Variants in MAP3K3 observed in about 807,000 individuals in gnomAD.
MAP3K3 encodes MAP/ERK kinase kinase 3.
A neutral mutation model predicts 80.9 loss-of-function variants in MAP3K3; 12 were observed. The observed-to-expected ratio is 0.15, with a 90% CI of 0.10 to 0.24. The LOEUF is 0.24. Ranked by LOEUF, MAP3K3 falls within the 10% of genes least tolerant of loss-of-function variation. The pLI, the probability that MAP3K3 is intolerant of heterozygous loss-of-function variation, is 1.00. For missense variants in MAP3K3, 596 were observed against 834.7 expected, an observed-to-expected ratio of 0.71 and a Z score of 3.52; for synonymous variants, 272 against 307.1, an observed-to-expected ratio of 0.89 and a Z score of 1.19.
rs1443703825 is a variant in MAP3K3, at chr17:63,694,546, CTG to C, written c.*776_*777del. 2 of 152,700 alleles carry C rather than the reference CTG, an allele frequency of 1.3e-5. No homozygotes were observed. The highest frequency in any genetic ancestry group is 4.8e-5 in the African/African-American group (2 of 41,452). The allele number at this position is 152,700 out of a possible 1,614,324, so 9.5% of individuals were successfully genotyped here. A position where few individuals can be genotyped will look rare whatever the true frequency, so the allele number is the denominator to read the frequency against. ...CTGTACCCAGTTTCTAAACTGGAGA[CTG>C]TGTGTGCCCTCTGGGCTCTGAGTAC... On this transcript the variant is annotated 3_prime_UTR_variant, in exon 16 of 16. Coordinates refer to ENST00000361733, the MANE Select transcript of MAP3K3 (RefSeq NM_002401.5).
chr17:63,679,529 C>T (rs763706996), intron 6 of MAP3K3, among the ~76,000 whole-genome samples: 14 of 152,204 alleles, frequency 9.2e-5, no homozygotes, highest in Non-Finnish European at 1.5e-4. Flanking sequence ...ATCACCTATG[C>T]TGGAGTGCAG....
intron 1 of MAP3K3, among the ~76,000 whole-genome samples, chr17:63,624,075 T>C (rs1463022326): frequency 1.3e-5 from 2 of 152,218 alleles, no homozygotes; most frequent in Non-Finnish European, 2.9e-5. Flanking sequence ...CTTCTCATGC[T>C]TTCCTTCAGA....
Position 63,691,305 on chromosome 17 carries a change from G to T in MAP3K3, c.1344+72G>T, listed in dbSNP as rs1366619556. ...GACCTGGGGGCTGGGGCCTGCAGGA[G>T]GGGGGTCACCTTGGATAGGAGTTTG... is the stretch of plus-strand genomic sequence containing the variant. On this transcript the variant is annotated intron_variant, in intron 13 of 15. Transcript: ENST00000361733. The surrounding 1 kb of genome is among the most constrained non-coding windows in gnomAD (Gnocchi z 4.8). 1.9e-6 allele frequency: 3 copies of T among 1,597,966 alleles called. No individual in the cohort carries two copies. The highest frequency in any genetic ancestry group is 1.7e-6 in the Non-Finnish European group (2 of 1,169,238).
At chr17:63,688,676 A>G (rs1240214354) in intron 9 of MAP3K3, 82 bp downstream of exon 9, 1 of 1,454,930 alleles carries the variant, frequency 6.9e-7, no homozygotes. Context: ...TTTCTGAGTC[A>G]GTAGCTCTCC....
chr17:63,650,202 T>G (rs1346391918), intron 3 of MAP3K3, among the ~76,000 whole-genome samples: 3 of 152,260 alleles, frequency 2.0e-5, no homozygotes, highest in African/African-American at 7.2e-5. Context: ...ATCTTTTGCC[T>G]TTTCTATTAG....
rs749817590 is a variant in MAP3K3, at chr17:63,689,597, G to C, written c.925G>C (p.Val309Leu). ...TCATCAAGGCAACTTGTTCACCCTG[G>C]TGCCCTCCAGCCGCTCCCTGAGCAC... is the stretch of plus-strand genomic sequence containing the variant. ...RRHQGNLFTLVPSSRSLSTNG... is the reference protein window; with the variant it reads ...RRHQGNLFTLLPSSRSLSTNG... The change falls in exon 11 of 16, where the codon GTG becomes CTG. Residue 309 changes from valine to leucine, a missense_variant. By Grantham distance (32) the Val-to-Leu change is conservative. Transcript: ENST00000361733. This position sits in a 1 kb window ranked among gnomAD's most constrained non-coding sequence, Gnocchi z 4.3. 8 of 1,613,742 alleles carry C rather than the reference G, an allele frequency of 5.0e-6. No individual in the cohort carries two copies. The highest frequency in any genetic ancestry group is 3.3e-5 in the Admixed American group (2 of 59,950).
In MAP3K3 at chr17:63,694,873, C is replaced by G. The variant is rs779128848; in HGVS notation, c.*1096C>G. ...CTTCCTCAGCCAGCCTCGCCCATCC[C>G]CTTGAGGTCTCAGCCCCTTTCCCTT... On this transcript the variant is annotated 3_prime_UTR_variant, in exon 16 of 16. Coordinates refer to ENST00000361733, the MANE Select transcript of MAP3K3 (RefSeq NM_002401.5). 1.3e-5 allele frequency: 2 copies of G among 154,114 alleles called. No homozygotes were observed. The highest frequency in any genetic ancestry group is 4.8e-5 in the African/African-American group (2 of 41,492). 9.5% of individuals were successfully genotyped at this position (154,114 alleles called of 1,614,324 possible).
At chr17:63,637,029 TG>T in intron 2 of MAP3K3, 1 of 558,460 alleles carries the variant, frequency 1.8e-6, no homozygotes, top group Non-Finnish European at 3.4e-6. Flanking sequence ...GACGACAAGG[TG>T]GGGACAAACT....
intron 3 of MAP3K3, among the ~76,000 whole-genome samples, chr17:63,651,754 T>C (rs756732722): frequency 3.9e-5 from 6 of 152,202 alleles, no homozygotes; most frequent in Non-Finnish European, 8.8e-5. Flanking sequence ...CAGAAAATCT[T>C]CAATGTCAAT....
At chr17:63,636,154 C>A (rs973306494) in intron 2 of MAP3K3, among the ~76,000 whole-genome samples, 1 of 152,162 alleles carries the variant, frequency 6.6e-6, no homozygotes, top group Non-Finnish European at 1.5e-5. Flanking sequence ...ACTGAAAAAT[C>A]TAATTTAATA....
In MAP3K3 at chr17:63,636,855, C is replaced by T. The variant is rs2034336167; in HGVS notation, c.126+4053C>T. 22 of 371,302 alleles carry T rather than the reference C, an allele frequency of 5.9e-5. 1 individual carries two copies. The South Asian group carries it at 7.9e-4, about 13-fold the overall frequency. 23.0% of individuals were successfully genotyped at this position (371,302 alleles called of 1,614,324 possible). On this transcript the variant is annotated intron_variant, in intron 2 of 15. Transcript: ENST00000361733. ...AGAAGACTGCGTTGGTGGTCAAGTC[C>T]TCCATCCCGCTGGACATCAAGCCTT...
At chr17:63,649,929 TC>T (rs2034616548) in intron 3 of MAP3K3, among the ~76,000 whole-genome samples, 1 of 152,216 alleles carries the variant, frequency 6.6e-6, no homozygotes, top group Non-Finnish European at 1.5e-5. Flanking sequence ...TATTGCTTCT[TC>T]CTCTGGTTAC....
intron 1 of MAP3K3, among the ~76,000 whole-genome samples, chr17:63,628,470 C>T (rs571144203): frequency 1.8e-4 from 28 of 151,662 alleles, no homozygotes; most frequent in African/African-American, 6.5e-4. Context: ...AAGCAGTTCT[C>T]CTGCCTCAGC....
intron 7 of MAP3K3, among the ~76,000 whole-genome samples, chr17:63,683,883 G>T (rs1185730530): frequency 6.6e-6 from 1 of 152,016 alleles, no homozygotes; most frequent in African/African-American, 2.4e-5. Context: ...CAGTCCGGTC[G>T]CAGTGGCTCA....
chr17:63,631,234 G>C (rs2034209498), intron 1 of MAP3K3, among the ~76,000 whole-genome samples: 1 of 152,196 alleles, frequency 6.6e-6, no homozygotes, highest in African/African-American at 2.4e-5. Context: ...GCTGCAGTGA[G>C]CTGTGATTGC....
At chr17:63,644,859 TTCA>T (rs2034510724) in intron 2 of MAP3K3, among the ~76,000 whole-genome samples, 1 of 152,226 alleles carries the variant, frequency 6.6e-6, no homozygotes, top group Non-Finnish European at 1.5e-5. Flanking sequence ...ATAATTTTTC[TTCA>T]TCGACTATGA....
At chr17:63,624,656 C>T (rs769384123) in intron 1 of MAP3K3, among the ~76,000 whole-genome samples, 3 of 152,194 alleles carry the variant, frequency 2.0e-5, no homozygotes, top group Admixed American at 6.5e-5. Context: ...GTCAGTTTTA[C>T]GTGAAGACAC....
At chr17:63,645,010 C>G (rs1029910502) in intron 2 of MAP3K3, among the ~76,000 whole-genome samples, 15 of 152,048 alleles carry the variant, frequency 9.9e-5, no homozygotes, top group African/African-American at 3.4e-4. Flanking sequence ...TTTGTTTGCC[C>G]TTTTGCAATA....
chr17:63,687,668 C>G (rs1175147012), intron 8 of MAP3K3, among the ~76,000 whole-genome samples: 1 of 146,456 alleles, frequency 6.8e-6, no homozygotes, highest in Admixed American at 6.8e-5. Flanking sequence ...CCAGCCTGGG[C>G]GACAGAGCGA....
Sources: allele counts gnomAD v4.1 joint callset (sites outside exome capture counted in the v4.1 genomes callset), GRCh38; gene constraint gnomAD v4.1.1; non-coding constraint Gnocchi (gnomAD v3.1); transcripts MANE v1.5; gene names NCBI Gene and HGNC (gene_info 2026-07-23, HGNC 2026-07-21).